Variants in TAF4B observed in about 807,000 individuals in gnomAD.
TAF4B encodes TATA-box binding protein associated factor 4b, also known as transcription initiation factor TFIID subunit 4B.
TAF4B carries 38 observed loss-of-function variants against 86.4 expected under a neutral mutation model. That is an observed-to-expected ratio of 0.44 (90% CI 0.34 to 0.58). The LOEUF (loss-of-function observed/expected upper bound fraction) is 0.58. TAF4B is among the 20% of genes least tolerant of loss of function. TAF4B has a pLI of 0.02. For missense variants in TAF4B, 988 were observed against 1,027.6 expected (o/e 0.96, Z 0.53); for synonymous variants, 388 against 391.2 (o/e 0.99, Z 0.10).
intron 1 of TAF4B, among the ~76,000 whole-genome samples, chr18:26,243,179 T>C (rs2055867291): frequency 6.6e-6 from 1 of 152,212 alleles, no homozygotes; most frequent in African/African-American, 2.4e-5. Flanking sequence ...TGCAGAGTGT[T>C]TTCCAACTTG....
intron 1 of TAF4B, among the ~76,000 whole-genome samples, chr18:26,239,743 C>A (rs2055807423): frequency 6.6e-6 from 1 of 152,158 alleles, no homozygotes; most frequent in African/African-American, 2.4e-5. Context: ...AGTCTTTAAT[C>A]CATCTTGAAT....
At chr18:26,351,027 A>G (rs1162983574) in intron 13 of TAF4B, among the ~76,000 whole-genome samples, 2 of 152,232 alleles carry the variant, frequency 1.3e-5, no homozygotes, top group Non-Finnish European at 2.9e-5. Flanking sequence ...TACTGAGAAA[A>G]GAAATCAGTA....
chr18:26,292,504 G>T, intron 8 of TAF4B, 123 bp downstream of exon 8: 1 of 1,017,824 alleles, frequency 9.8e-7, no homozygotes, highest in East Asian at 2.6e-5. Flanking sequence ...CACCCATTGA[G>T]AGAAAACAGA....
intron 14 of TAF4B, among the ~76,000 whole-genome samples, chr18:26,388,547 A>G (rs1213126351): frequency 6.6e-6 from 1 of 152,208 alleles, no homozygotes; most frequent in Non-Finnish European, 1.5e-5. Context: ...ACGTAAGGTA[A>G]TTGCCACAGT....
At chr18:26,278,201 A>G (rs78232160) in intron 5 of TAF4B, among the ~76,000 whole-genome samples, 3 of 152,318 alleles carry the variant, frequency 2.0e-5, no homozygotes, top group African/African-American at 7.2e-5. Flanking sequence ...CTATTTTGTT[A>G]TATACAATAT....
intron 7 of TAF4B, among the ~76,000 whole-genome samples, chr18:26,287,302 G>C (rs1357913955): frequency 6.6e-6 from 1 of 152,130 alleles, no homozygotes; most frequent in East Asian, 1.9e-4. Context: ...ACTGTACCTG[G>C]CTCATTTAAT....
Position 26,246,907 on chromosome 18 carries a change from G to A in TAF4B, c.344-18263G>A, listed in dbSNP as rs186199234. ...CTCTTGTTGCCCAGGTTGGAGTGCA[G>A]TGGCATGATTTCGCCTCACTGCAAC... On this transcript the variant is annotated intron_variant, in intron 1 of 14. Coordinates refer to ENST00000269142, the MANE Select transcript of TAF4B (RefSeq NM_005640.3). Among the ~76,000 whole-genome samples the A allele has an allele frequency of 3.9e-4, 59 of 151,018 alleles. 1 individual carries two copies. Among genetic ancestry groups the A allele is most frequent in the Admixed American group, 1.2e-3 (18 of 15,126 alleles).
chr18:26,260,451 G>T (rs1277686289), intron 1 of TAF4B, among the ~76,000 whole-genome samples: 1 of 152,116 alleles, frequency 6.6e-6, no homozygotes, highest in Non-Finnish European at 1.5e-5. Flanking sequence ...CTTAAATTAA[G>T]TTTTGTATAA....
chr18:26,363,869 A>G (rs1333401744), intron 14 of TAF4B, among the ~76,000 whole-genome samples: 2 of 152,106 alleles, frequency 1.3e-5, no homozygotes, highest in African/African-American at 4.8e-5. Flanking sequence ...TCAGAGGGTA[A>G]CTCTTTAGTT....
In TAF4B at chr18:26,291,706, C is replaced by CAAA. The variant is rs551155639; in HGVS notation, c.1591-526_1591-524dup. 3.0e-3 allele frequency among the ~76,000 whole-genome samples: 339 copies of CAAA among 111,766 alleles called. 4 individuals are homozygous for CAAA. The highest frequency in any genetic ancestry group is 0.012 in the African/African-American group (322 of 27,596). The allele number at this position is 111,766 out of a possible 152,430, so 73.3% of individuals were successfully genotyped here. A position where few individuals can be genotyped will look rare whatever the true frequency, so the allele number is the denominator to read the frequency against. ...TGGGTGACAGAGCAAGACTCTGTCT[C>CAAA]AAAAAAAAAAAAAAAAGAAAATACT... On this transcript the variant is annotated intron_variant, in intron 7 of 14. Transcript: ENST00000269142.
chr18:26,342,200 C>T (rs1422020304), intron 13 of TAF4B, among the ~76,000 whole-genome samples: 2 of 152,112 alleles, frequency 1.3e-5, no homozygotes, highest in Non-Finnish European at 2.9e-5. Context: ...TGGTGTGATA[C>T]ACTTTGTTTC....
chr18:26,258,849 A>G (rs1360147472), intron 1 of TAF4B, among the ~76,000 whole-genome samples: 1 of 148,992 alleles, frequency 6.7e-6, no homozygotes, highest in African/African-American at 2.5e-5. Flanking sequence ...GCGCCACCAC[A>G]CTGGGCTACT....
At chr18:26,316,461 GCT>G (rs1216499528) in intron 10 of TAF4B, among the ~76,000 whole-genome samples, 40 of 151,836 alleles carry the variant, frequency 2.6e-4, no homozygotes, top group African/African-American at 9.0e-4. Context: ...TGCCATCTTG[GCT>G]CACTGCAGCC....
chr18:26,301,292 GT>G (rs373495502), intron 9 of TAF4B, among the ~76,000 whole-genome samples: 2,824 of 143,286 alleles, frequency 0.02, 75 homozygotes, highest in African/African-American at 0.068. Flanking sequence ...TGTTGTTGTT[GT>G]TTTTTTTTTT....
chr18:26,265,155 C>T lies in TAF4B; in HGVS notation c.344-15C>T, dbSNP rs190712249. 1.8e-3 allele frequency: 2,808 copies of T among 1,589,526 alleles called. 17 individuals carry two copies. In the African/African-American group the frequency reaches 0.031, roughly 18 times the overall value. On this transcript the variant is annotated splice_polypyrimidine_tract_variant and intron_variant, in intron 1 of 14. Coordinates refer to ENST00000269142, the MANE Select transcript of TAF4B (RefSeq NM_005640.3). ...AGTGGCTCAGAGGTCACTTTTTTTT[C>T]TTTTTTAAATATAGGAACCGTTTTG... is the stretch of plus-strand genomic sequence containing the variant.
At chr18:26,312,844 A>C (rs569750493) in intron 9 of TAF4B, among the ~76,000 whole-genome samples, 118 of 152,262 alleles carry the variant, frequency 7.7e-4, no homozygotes, top group Non-Finnish European at 1.4e-3. Context: ...ATATCTCTAC[A>C]CTTCAATTTT....
In TAF4B at chr18:26,352,139, A is replaced by G. The variant is rs184217478; in HGVS notation, c.2317-5551A>G. Among the ~76,000 whole-genome samples, 830 of 152,236 alleles carry G rather than the reference A, an allele frequency of 5.5e-3. 3 individuals are homozygous for G. The highest frequency in any genetic ancestry group is 6.8e-3 in the Middle Eastern group (2 of 294). On this transcript the variant is annotated intron_variant, in intron 13 of 14. Coordinates refer to ENST00000269142, the MANE Select transcript of TAF4B (RefSeq NM_005640.3). ...GAAATGAAAAACAGAGGGAACATAC[A>G]GAAAACAAAATGATAGACCTTAATC... is the stretch of plus-strand genomic sequence containing the variant.
chr18:26,275,204 G>A, intron 5 of TAF4B, 151 bp downstream of exon 5: 2 of 847,706 alleles, frequency 2.4e-6, no homozygotes, highest in Non-Finnish European at 3.2e-6. Context: ...TGCCCAAGCT[G>A]GAGTGCAGTG....
At chr18:26,333,602 G>T (rs1442224875) in intron 12 of TAF4B, among the ~76,000 whole-genome samples, 1 of 152,036 alleles carries the variant, frequency 6.6e-6, no homozygotes, top group Non-Finnish European at 1.5e-5. Flanking sequence ...CATTAGATAG[G>T]CTGGTCTCGA....
Sources: gnomAD v4.1 joint callset for allele counts (sites outside exome capture counted in the v4.1 genomes callset) on GRCh38, gnomAD v4.1.1 for gene constraint, MANE v1.5 for transcripts, NCBI Gene and HGNC (gene_info 2026-07-23, HGNC 2026-07-21) for gene names.